The following TTC22 variants were observed in gnomAD, a reference collection of about 807,000 sequenced individuals.
TTC22 encodes tetratricopeptide repeat domain 22.
Under a neutral mutation model 48.2 loss-of-function variants are expected in TTC22, and 42 were observed. The observed-to-expected ratio is 0.87, with a 90% CI of 0.68 to 1.13. TTC22 has a LOEUF of 1.13. Ranked by LOEUF, TTC22 falls within the 50% of genes most tolerant of loss-of-function variation. The probability of loss-of-function intolerance (pLI) is 0.00; values close to 1 mark genes in which losing one functional copy is unlikely to be tolerated. For missense variants in TTC22, 784 were observed against 807.0 expected, an observed-to-expected ratio of 0.97 and a Z score of 0.34; for synonymous variants, 345 against 365.5, an observed-to-expected ratio of 0.94 and a Z score of 0.64.
intron 5 of TTC22, chr1:54,784,805 C>T: frequency 7.7e-7 from 1 of 1,299,674 alleles, no homozygotes; most frequent in Non-Finnish European, 1.0e-6. Flanking sequence ...ACTGGGAGCT[C>T]CGAGTCGGCT....
At chr1:54,783,043 A>G (rs770272499) in intron 5 of TTC22, among the ~76,000 whole-genome samples, 4 of 152,212 alleles carry the variant, frequency 2.6e-5, no homozygotes, top group Non-Finnish European at 4.4e-5. Context: ...GCATCACATT[A>G]CAAATGATCT....
chr1:54,784,817 C>T (rs565839685), intron 5 of TTC22: 10 of 1,299,652 alleles, frequency 7.7e-6, no homozygotes, highest in African/African-American at 1.5e-5. Context: ...GAGTCGGCTT[C>T]CTCAAGCACA....
rs1646251213 is a variant in TTC22, at chr1:54,780,184, A to C, written c.*1059T>G. ...TTCCAAGATGTTCTTTAAAATTAGT[A>C]GAATGGTCAAGACTGGGGGCAGGGC... is the stretch of plus-strand genomic sequence containing the variant. On this transcript the variant is annotated 3_prime_UTR_variant, in exon 7 of 7. Coordinates refer to ENST00000371276, the MANE Select transcript of TTC22 (RefSeq NM_001114108.2). The C allele has an allele frequency of 6.6e-6, 1 of 152,142 alleles. No homozygotes were observed. Among genetic ancestry groups the C allele is most frequent in the African/African-American group, 2.4e-5 (1 of 41,394 alleles). 9.4% of individuals were successfully genotyped at this position (152,142 alleles called of 1,614,324 possible). A position where few individuals can be genotyped will look rare whatever the true frequency, so the allele number is the denominator to read the frequency against.
In TTC22 at chr1:54,780,538, GGC is replaced by G. The variant is rs1452853010; in HGVS notation, c.*703_*704del. ...GGGCAGGTGGCACCTCCTAATGGGT[GGC>G]GCCCTTAGTTTCCCCCAAGAAGAGG... On this transcript the variant is annotated 3_prime_UTR_variant, in exon 7 of 7. Transcript: ENST00000371276. The G allele has an allele frequency of 6.6e-6, 1 of 151,882 alleles. No individual in the cohort carries two copies. Among genetic ancestry groups the G allele is most frequent in the East Asian group, 1.9e-4 (1 of 5,180 alleles). The allele number at this position is 151,882 out of a possible 1,614,324, so 9.4% of individuals were successfully genotyped here. A position where few individuals can be genotyped will look rare whatever the true frequency, so the allele number is the denominator to read the frequency against.
At chr1:54,792,516 C>A (rs1349004950) in intron 1 of TTC22, among the ~76,000 whole-genome samples, 1 of 152,104 alleles carries the variant, frequency 6.6e-6, no homozygotes, top group Non-Finnish European at 1.5e-5. Context: ...CTCAACGCAA[C>A]CTCCGCCTCC....
intron 1 of TTC22, among the ~76,000 whole-genome samples, chr1:54,792,269 T>A (rs1277213181): frequency 6.6e-6 from 1 of 152,178 alleles, no homozygotes; most frequent in Non-Finnish European, 1.5e-5. Context: ...GCAGGAGGGC[T>A]TGTGGGGTTG....
chr1:54,792,619 G>C (rs1458508247), intron 1 of TTC22, among the ~76,000 whole-genome samples: 2 of 152,138 alleles, frequency 1.3e-5, no homozygotes, highest in African/African-American at 2.4e-5. Flanking sequence ...TTTTAGTAGA[G>C]ACGGGGTTTC....
In TTC22 at chr1:54,787,578, A is replaced by T; in HGVS notation, c.739+133T>A. 4 of 690,138 alleles carry T rather than the reference A, an allele frequency of 5.8e-6. No individual in the cohort carries two copies. In the South Asian group the frequency reaches 6.8e-5, roughly 12 times the overall value. 42.8% of individuals were successfully genotyped at this position (690,138 alleles called of 1,614,324 possible). A position where few individuals can be genotyped will look rare whatever the true frequency, so the allele number is the denominator to read the frequency against. On this transcript the variant is annotated intron_variant, in intron 3 of 6. Coordinates refer to ENST00000371276, the MANE Select transcript of TTC22 (RefSeq NM_001114108.2). ...GTGGGCTCCTTGAGGTGCACAGATG[A>T]GTGTAGGGGACAGAGCGAAGGAGGA...
chr1:54,796,206 G>C (rs1399584627), intron 1 of TTC22, among the ~76,000 whole-genome samples: 1 of 152,242 alleles, frequency 6.6e-6, no homozygotes, highest in Non-Finnish European at 1.5e-5. Context: ...GCGCACGTGT[G>C]GACACGCATG....
At chr1:54,786,754 G>A (rs1346738531) in intron 4 of TTC22, 12 of 411,698 alleles carry the variant, frequency 2.9e-5, no homozygotes, top group Non-Finnish European at 4.3e-5. Flanking sequence ...TGGAGAAATG[G>A]GCTGGGGCCA....
chr1:54,786,432 A>G (rs562649602), intron 4 of TTC22: 2 of 360,850 alleles, frequency 5.5e-6, no homozygotes, highest in South Asian at 6.9e-5. Flanking sequence ...CCTCCTTCCC[A>G]GTGTATGCTC....
At position 54,787,837 on chromosome 1, in the gene TTC22, G is replaced by A. The variant is rs2101451887; in HGVS notation, c.624-11C>T. 1 of 1,598,346 alleles carries A rather than the reference G, an allele frequency of 6.3e-7. No individual in the cohort carries two copies. Among genetic ancestry groups the A allele is most frequent in the Non-Finnish European group, 8.5e-7 (1 of 1,170,678 alleles). On this transcript the variant is annotated splice_polypyrimidine_tract_variant and intron_variant, in intron 2 of 6. Coordinates refer to ENST00000371276, the MANE Select transcript of TTC22 (RefSeq NM_001114108.2). ...AAGATGCCATCTAGCCTGTGGCCGAGAAGGAGATGTGGTTGGGTGGCACCC... is the reference window on the plus strand; with the variant it reads ...AAGATGCCATCTAGCCTGTGGCCGAAAAGGAGATGTGGTTGGGTGGCACCC...
At chr1:54,792,767 A>G (rs1223732798) in intron 1 of TTC22, 6 of 151,748 alleles carry the variant, frequency 4.0e-5, no homozygotes, top group Non-Finnish European at 8.9e-5. Context: ...TCTGGTTGTA[A>G]CTGAAGCAGT....
intron 1 of TTC22, among the ~76,000 whole-genome samples, chr1:54,796,450 G>A (rs2101470982): frequency 6.6e-6 from 1 of 152,098 alleles, no homozygotes; most frequent in Admixed American, 6.5e-5. Flanking sequence ...TATGCCCGGG[G>A]TGCAAGGGGG....
intron 5 of TTC22, among the ~76,000 whole-genome samples, chr1:54,783,361 T>G (rs551115395): frequency 8.0e-4 from 122 of 152,346 alleles, no homozygotes; most frequent in African/African-American, 2.9e-3. Context: ...TCTATGAACC[T>G]GAACCTCATT....
chr1:54,797,304 G>T (rs529095704), intron 1 of TTC22, among the ~76,000 whole-genome samples: 45 of 152,154 alleles, frequency 3.0e-4, no homozygotes, highest in Middle Eastern at 3.4e-3. Flanking sequence ...ATATTTAGAG[G>T]GTTGATGGGA....
Position 54,782,564 on chromosome 1 carries a change from T to C in TTC22, c.1021-87A>G, listed in dbSNP as rs1298695172. 4.5e-6 allele frequency: 6 copies of C among 1,345,550 alleles called. No homozygotes were observed. The South Asian group carries it at 4.5e-5, about 10-fold the overall frequency. 83.4% of individuals were successfully genotyped at this position (1,345,550 alleles called of 1,614,324 possible). On this transcript the variant is annotated intron_variant, in intron 5 of 6. Transcript: ENST00000371276. ...GCTCTAAATGAACCCAGTCTTTTTT[T>C]CAACAGCAACCAGGGAGGTTATGTG... is the stretch of plus-strand genomic sequence containing the variant.
chr1:54,786,275 C>T (rs1452583633), intron 4 of TTC22, 131 bp from the exon 5 acceptor site: 3 of 743,310 alleles, frequency 4.0e-6, no homozygotes, highest in Non-Finnish European at 6.5e-6. Context: ...TACCCATATC[C>T]ACCCTTATCC....
rs1570124224 is a variant in TTC22 at position 54,800,773 on chromosome 1, C to G, written c.391G>C (p.Gly131Arg). 1.3e-6 allele frequency: 2 copies of G among 1,556,826 alleles called. No homozygotes were observed. Among genetic ancestry groups the G allele is most frequent in the Non-Finnish European group, 1.7e-6 (2 of 1,153,542 alleles). Residue 131 changes from glycine (G) to arginine (R), a missense_variant, in exon 1 of 7, where the codon GGC becomes CGC. Physicochemically the swap from Gly to Arg is moderately radical, Grantham distance 125 (BLOSUM62 -2). Transcript: ENST00000371276. ...GCGGCCTCGGGCTCCTCTGCCAGGC[C>G]CATGAGGTCGGCCAGCCGTGCGGCG... ...ACAARLADLM[G>R]LAEEPEAAGD...
Sources: allele counts gnomAD v4.1 joint callset (sites outside exome capture counted in the v4.1 genomes callset), GRCh38; gene constraint gnomAD v4.1.1; transcripts MANE v1.5; gene names NCBI Gene and HGNC (gene_info 2026-07-23, HGNC 2026-07-21).